TRPM3: variants seen among roughly 807,000 people sequenced by gnomAD.
The protein encoded by TRPM3 is transient receptor potential cation channel subfamily M member 3.
Under a neutral mutation model 181.2 loss-of-function variants are expected in TRPM3, and 77 were observed. The ratio of observed to expected loss-of-function variants is 0.42; its 90% CI spans 0.35 to 0.51. The LOEUF is 0.51. TRPM3 is among the 20% of genes least tolerant of loss of function. The probability of loss-of-function intolerance (pLI) is 0.01; values close to 1 mark genes in which losing one functional copy is unlikely to be tolerated. For synonymous variants in TRPM3, 745 were observed against 796.4 expected, an observed-to-expected ratio of 0.94 and a Z score of 1.09; for missense variants, 1,759 against 2,196.7, an observed-to-expected ratio of 0.80 and a Z score of 3.98.
intron 1 of TRPM3, among the ~76,000 whole-genome samples, chr9:70,906,706 C>A (rs1050978633): frequency 2.0e-5 from 3 of 152,130 alleles, no homozygotes; most frequent in Non-Finnish European, 4.4e-5. Flanking sequence ...AGTTCGAGAC[C>A]AGCCTGGCCA....
chr9:71,143,669 T>A (rs2075253143), intron 1 of TRPM3, among the ~76,000 whole-genome samples: 1 of 152,204 alleles, frequency 6.6e-6, no homozygotes, highest in South Asian at 2.1e-4. Flanking sequence ...TGTGTCTTTC[T>A]AATAGAATGA....
chr9:70,784,394 A>G, intron 6 of TRPM3, 115 bp from the exon 7 acceptor site: 1 of 1,150,818 alleles, frequency 8.7e-7, no homozygotes. Flanking sequence ...AGCACGGGGG[A>G]GGTAGCAACA....
intron 1 of TRPM3, among the ~76,000 whole-genome samples, chr9:71,129,582 C>G (rs2134448291): frequency 6.6e-6 from 1 of 152,268 alleles, no homozygotes; most frequent in South Asian, 2.1e-4. Context: ...GTTAAGAAAC[C>G]TGCAGAAGGT....
rs929778523 is a variant in TRPM3, at chr9:71,157,303, A to T, written c.183+289350T>A. ...TACCAAAGTCTCACAACTTTAAAAA[A>T]GTCAGAAGCAGATTACCATGAAGAT... is the stretch of plus-strand genomic sequence containing the variant. On this transcript the variant is annotated intron_variant, in intron 1 of 24. Transcript: ENST00000357533. Among the ~76,000 whole-genome samples, 6 of 152,204 alleles carry T rather than the reference A, an allele frequency of 3.9e-5. 1 individual carries two copies. Among genetic ancestry groups the T allele is most frequent in the Admixed American group, 6.6e-5 (1 of 15,262 alleles).
intron 1 of TRPM3, among the ~76,000 whole-genome samples, chr9:71,202,712 G>A (rs2078883977): frequency 6.6e-6 from 1 of 152,110 alleles, no homozygotes; most frequent in Non-Finnish European, 1.5e-5. Flanking sequence ...GTTTTTAAGA[G>A]CTCAGCCTCT....
chr9:71,409,659 G>T (rs539699689), intron 1 of TRPM3, among the ~76,000 whole-genome samples: 1 of 152,094 alleles, frequency 6.6e-6, no homozygotes, highest in East Asian at 1.9e-4. Flanking sequence ...AATAATAATG[G>T]GAGACTTTAA....
intron 7 of TRPM3, among the ~76,000 whole-genome samples, chr9:70,777,111 C>A (rs2081508210): frequency 1.3e-5 from 2 of 152,104 alleles, no homozygotes; most frequent in South Asian, 4.1e-4. Context: ...CAATAGAGAG[C>A]TTTGAAATCA....
At chr9:71,370,408 AACAC>A (rs1291405134) in intron 1 of TRPM3, among the ~76,000 whole-genome samples, 1 of 152,230 alleles carries the variant, frequency 6.6e-6, no homozygotes, top group African/African-American at 2.4e-5. Context: ...TACTACAGTG[AACAC>A]ACAAATAATA....
At chr9:70,929,165 G>C (rs888732502) in intron 1 of TRPM3, among the ~76,000 whole-genome samples, 1 of 150,814 alleles carries the variant, frequency 6.6e-6, no homozygotes, top group Non-Finnish European at 1.5e-5. Flanking sequence ...CTTAAACATT[G>C]ACTTTTTTTT....
At chr9:71,291,496 A>G (rs1332275387) in intron 1 of TRPM3, among the ~76,000 whole-genome samples, 1 of 152,136 alleles carries the variant, frequency 6.6e-6, no homozygotes, top group Non-Finnish European at 1.5e-5. Flanking sequence ...TGTCAAAAGT[A>G]TATTCTTTGA....
chr9:70,984,921 G>C (rs1270717952), intron 1 of TRPM3, among the ~76,000 whole-genome samples: 3 of 152,236 alleles, frequency 2.0e-5, no homozygotes, highest in Non-Finnish European at 2.9e-5. Context: ...TGCAGAATAT[G>C]AGGTCATTCA....
chr9:70,951,759 T>C (rs1590026431), intron 1 of TRPM3, among the ~76,000 whole-genome samples: 1 of 152,194 alleles, frequency 6.6e-6, no homozygotes, highest in Non-Finnish European at 1.5e-5. Context: ...ATGCTTGAGT[T>C]TCTGTACTAA....
chr9:71,111,133 T>C (rs565332802), intron 1 of TRPM3, among the ~76,000 whole-genome samples: 12 of 152,328 alleles, frequency 7.9e-5, no homozygotes, highest in Admixed American at 1.3e-4. Flanking sequence ...TTACATTCGA[T>C]TTTCTTACAA....
chr9:71,015,712 C>CT (rs1236962534), intron 1 of TRPM3, among the ~76,000 whole-genome samples: 1 of 152,046 alleles, frequency 6.6e-6, no homozygotes, highest in Non-Finnish European at 1.5e-5. Flanking sequence ...CCAAAACGTT[C>CT]TTTTTTATAA....
At chr9:70,605,114 C>A (rs536408976) in intron 19 of TRPM3, among the ~76,000 whole-genome samples, 1 of 152,026 alleles carries the variant, frequency 6.6e-6, no homozygotes, top group Admixed American at 6.5e-5. Context: ...ATTACCACGT[C>A]TGGCTAATTT....
At chr9:71,357,908 T>C (rs1040337850) in intron 1 of TRPM3, among the ~76,000 whole-genome samples, 1 of 152,162 alleles carries the variant, frequency 6.6e-6, no homozygotes, top group Non-Finnish European at 1.5e-5. Flanking sequence ...TGATATTCTA[T>C]GTTGCAAACA....
chr9:71,251,865 C>G (rs2082362786), intron 1 of TRPM3, among the ~76,000 whole-genome samples: 1 of 152,186 alleles, frequency 6.6e-6, no homozygotes, highest in Non-Finnish European at 1.5e-5. Context: ...CCACCATCCT[C>G]TCCACCTTCT....
At chr9:71,371,697 G>A (rs2132804572) in intron 1 of TRPM3, among the ~76,000 whole-genome samples, 1 of 152,350 alleles carries the variant, frequency 6.6e-6, no homozygotes, top group South Asian at 2.1e-4. Context: ...TGGTAAAGCA[G>A]AGGCAGGGTT....
rs112318461 is a variant in TRPM3, at chr9:71,241,682, A to G, written c.183+204971T>C. 1.5e-3 allele frequency among the ~76,000 whole-genome samples: 221 copies of G among 152,322 alleles called. 3 individuals carry two copies. Among genetic ancestry groups the G allele is most frequent in the African/African-American group, 4.8e-3 (198 of 41,586 alleles). ...ATTCTGAAATCTGCAACCATGTAAC[A>G]TTCTTCACAGAATAAATGAGAATTC... is the stretch of plus-strand genomic sequence containing the variant. On this transcript the variant is annotated intron_variant, in intron 1 of 24. Transcript: ENST00000357533.
Sources: allele counts gnomAD v4.1 joint callset (sites outside exome capture counted in the v4.1 genomes callset), GRCh38; gene constraint gnomAD v4.1.1; transcripts MANE v1.5; gene names NCBI Gene and HGNC (gene_info 2026-07-23, HGNC 2026-07-21).